The following TBC1D22A variants were observed in gnomAD, a reference collection of about 807,000 sequenced individuals.
TBC1D22A encodes TBC1 domain family member 22A.
TBC1D22A carries 38 observed loss-of-function variants against 60.2 expected under a neutral mutation model. The ratio of observed to expected loss-of-function variants is 0.63; its 90% CI spans 0.49 to 0.83. The LOEUF (loss-of-function observed/expected upper bound fraction) is 0.83. Ranked by LOEUF, TBC1D22A falls within the 40% of genes least tolerant of loss-of-function variation. TBC1D22A has a pLI of 0.00. For synonymous variants in TBC1D22A, 302 were observed against 281.7 expected (o/e 1.07, Z -0.72); for missense variants, 628 against 701.0 (o/e 0.90, Z 1.18).
At chr22:47,016,670 C>T (rs1224304273) in intron 10 of TBC1D22A, among the ~76,000 whole-genome samples, 1 of 152,202 alleles carries the variant, frequency 6.6e-6, no homozygotes, top group Non-Finnish European at 1.5e-5. Flanking sequence ...GTCCTTTGTC[C>T]GCTGCACGAG....
intron 11 of TBC1D22A, among the ~76,000 whole-genome samples, chr22:47,075,388 A>G (rs912923673): frequency 3.3e-5 from 5 of 152,160 alleles, no homozygotes; most frequent in Admixed American, 2.0e-4. Flanking sequence ...TAGAGCATCA[A>G]AAACAGACTT....
intron 4 of TBC1D22A, among the ~76,000 whole-genome samples, chr22:46,811,073 GC>G (rs1460813850): frequency 2.0e-5 from 3 of 152,224 alleles, no homozygotes; most frequent in African/African-American, 7.2e-5. Context: ...TACCCTGGGT[GC>G]AGGGCAGCAG....
At chr22:47,128,008 A>C in intron 12 of TBC1D22A, among the ~76,000 whole-genome samples, 1 of 42,384 alleles carries the variant, frequency 2.4e-5, no homozygotes. Flanking sequence ...CACCCCACCC[A>C]TCCCCCCATC....
intron 7 of TBC1D22A, among the ~76,000 whole-genome samples, chr22:46,899,298 T>C (rs1453198820): frequency 6.6e-6 from 1 of 151,938 alleles, no homozygotes; most frequent in Non-Finnish European, 1.5e-5. Context: ...AATAAAAATA[T>C]TAGCCAGGCG....
intron 11 of TBC1D22A, among the ~76,000 whole-genome samples, chr22:47,054,524 G>A (rs1050110304): frequency 2.0e-5 from 3 of 152,204 alleles, no homozygotes; most frequent in Non-Finnish European, 4.4e-5. Flanking sequence ...GCGCCTTTCT[G>A]TGGCCTCGCC....
rs1387501566 is a variant in TBC1D22A at position 47,028,087 on chromosome 22, G to A, written c.1202-8984G>A. Among the ~76,000 whole-genome samples the A allele has an allele frequency of 6.6e-6, 1 of 152,188 alleles. No individual in the cohort carries two copies. Among genetic ancestry groups the A allele is most frequent in the African/African-American group, 2.4e-5 (1 of 41,464 alleles). On this transcript the variant is annotated intron_variant, in intron 10 of 12. Coordinates refer to ENST00000337137, the MANE Select transcript of TBC1D22A (RefSeq NM_014346.5). This position sits in a 1 kb window ranked among gnomAD's most constrained non-coding sequence, Gnocchi z 4.4. ...GAGGGGTGTGCTGAGTAGCTCGTGT[G>A]CACGTCTGTGAGGTGAAAATGATTT...
intron 11 of TBC1D22A, among the ~76,000 whole-genome samples, chr22:47,037,553 C>T (rs2038172390): frequency 6.6e-6 from 1 of 152,326 alleles, no homozygotes; most frequent in South Asian, 2.1e-4. Flanking sequence ...ATTGCTTGAA[C>T]CCGGGAGGCG....
chr22:46,841,021 C>T (rs1047438210), intron 4 of TBC1D22A, among the ~76,000 whole-genome samples: 10 of 146,464 alleles, frequency 6.8e-5, no homozygotes, highest in Non-Finnish European at 1.0e-4. Flanking sequence ...AAGTATTCAC[C>T]GATGAATGAA....
intron 4 of TBC1D22A, among the ~76,000 whole-genome samples, chr22:46,852,143 G>C (rs1049874973): frequency 1.3e-5 from 2 of 152,190 alleles, no homozygotes; most frequent in African/African-American, 4.8e-5. Context: ...TCAGCTATTT[G>C]GGGGGATGTC....
At chr22:47,111,630 C>G (rs749022927) in intron 12 of TBC1D22A, 27 bp downstream of exon 12, 3 of 1,593,802 alleles carry the variant, frequency 1.9e-6, no homozygotes, top group Non-Finnish European at 1.7e-6. Flanking sequence ...TCAAAAGAAC[C>G]CAAGTTTGAT....
chr22:46,797,771 T>G (rs2084721878), intron 4 of TBC1D22A, 151 bp downstream of exon 4: 1 of 826,440 alleles, frequency 1.2e-6, no homozygotes, highest in Non-Finnish European at 1.8e-6. Context: ...TCATGTAATA[T>G]TTTCAAGTCA....
intron 9 of TBC1D22A, among the ~76,000 whole-genome samples, chr22:46,975,460 A>G (rs1019997847): frequency 1.8e-4 from 28 of 152,246 alleles, no homozygotes; most frequent in African/African-American, 6.7e-4. Context: ...CACCAAGATC[A>G]TCACGGGTGT....
At chr22:46,897,475 A>G (rs116603642) in intron 7 of TBC1D22A, among the ~76,000 whole-genome samples, 205 of 152,180 alleles carry the variant, frequency 1.3e-3, no homozygotes, top group African/African-American at 4.7e-3. Flanking sequence ...GCAGATGAAG[A>G]CTTGGCCTGG....
intron 4 of TBC1D22A, among the ~76,000 whole-genome samples, chr22:46,874,959 G>A (rs1006673440): frequency 6.6e-6 from 1 of 152,112 alleles, no homozygotes; most frequent in African/African-American, 2.4e-5. Flanking sequence ...TATAGATGCT[G>A]GATGTCAGAC....
chr22:47,157,271 A>G (rs73889438), intron 12 of TBC1D22A, among the ~76,000 whole-genome samples: 1,963 of 152,302 alleles, frequency 0.013, 36 homozygotes, highest in African/African-American at 0.044. Flanking sequence ...CACTCCGGGC[A>G]TGTGAAGCCC....
chr22:47,116,160 A>T (rs1000603796), intron 12 of TBC1D22A: 1 of 152,176 alleles, frequency 6.6e-6, no homozygotes, highest in South Asian at 2.1e-4. Flanking sequence ...CCCACGCGGG[A>T]TCGATTGTGC....
chr22:47,084,678 A>G (rs1411712026), intron 11 of TBC1D22A, among the ~76,000 whole-genome samples: 1 of 152,240 alleles, frequency 6.6e-6, no homozygotes, highest in Non-Finnish European at 1.5e-5. Context: ...AATGAAAATT[A>G]ATAATAGTCT....
chr22:46,770,226 G>C (rs540355216), intron 1 of TBC1D22A, among the ~76,000 whole-genome samples: 1 of 152,318 alleles, frequency 6.6e-6, no homozygotes, highest in East Asian at 1.9e-4. Flanking sequence ...GCGGCTTCTA[G>C]AAGCTGCGAA....
At chr22:46,824,579 G>C (rs1218037150) in intron 4 of TBC1D22A, among the ~76,000 whole-genome samples, 1 of 152,212 alleles carries the variant, frequency 6.6e-6, no homozygotes, top group Non-Finnish European at 1.5e-5. Flanking sequence ...GCCAGTGGAA[G>C]GTTTGAGCTG....
Sources: allele counts gnomAD v4.1 joint callset (sites outside exome capture counted in the v4.1 genomes callset), GRCh38; gene constraint gnomAD v4.1.1; non-coding constraint Gnocchi (gnomAD v3.1); transcripts MANE v1.5; gene names NCBI Gene and HGNC (gene_info 2026-07-23, HGNC 2026-07-21).